EPB41L5: variants seen among roughly 807,000 people sequenced by gnomAD.
EPB41L5 encodes the protein erythrocyte membrane protein band 4.1 like 5.
A neutral mutation model predicts 106.6 loss-of-function variants in EPB41L5; 55 were observed. The ratio of observed to expected loss-of-function variants is 0.52; its 90% CI spans 0.42 to 0.65. The LOEUF is 0.65. Ranked by LOEUF, EPB41L5 falls within the 30% of genes least tolerant of loss-of-function variation. The pLI is 0.00. For missense variants in EPB41L5, 871 were observed against 882.1 expected (o/e 0.99, Z 0.16); for synonymous variants, 297 against 306.7 (o/e 0.97, Z 0.33).
chr2:120,048,447 A>G (rs1679980743), intron 3 of EPB41L5, among the ~76,000 whole-genome samples: 1 of 152,104 alleles, frequency 6.6e-6, no homozygotes, highest in Non-Finnish European at 1.5e-5. Context: ...TTATTTGCGT[A>G]GAGGTGTTTA....
rs374918401 is a variant in EPB41L5 at position 120,100,554 on chromosome 2, A to G, written c.1222-145A>G. On this transcript the variant is annotated intron_variant, in intron 15 of 24. Transcript: ENST00000263713. ...CTGACTACTAATATTTCATTCATTA[A>G]CTATCTCTAAGGTGTATATAAAATT... 5.2e-5 allele frequency: 35 copies of G among 674,920 alleles called. No individual in the cohort carries two copies. The African/African-American group carries it at 5.8e-4, about 11-fold the overall frequency. The allele number at this position is 674,920 out of a possible 1,614,324, so 41.8% of individuals were successfully genotyped here.
At chr2:120,159,273 AAC>A (rs1491258883) in intron 20 of EPB41L5, among the ~76,000 whole-genome samples, 13 of 150,028 alleles carry the variant, frequency 8.7e-5, no homozygotes, top group Admixed American at 1.3e-4. Flanking sequence ...AAAAAAAAAA[AAC>A]AGCCGGGTGT....
At chr2:120,107,047 A>T (rs1574683533) in intron 16 of EPB41L5, 4 of 433,068 alleles carry the variant, frequency 9.2e-6, no homozygotes, top group African/African-American at 8.6e-5. Context: ...AAAAAATGTT[A>T]TTTATAACAC....
intron 21 of EPB41L5, among the ~76,000 whole-genome samples, chr2:120,163,004 CA>C (rs1052364882): frequency 1.4e-4 from 21 of 152,214 alleles, no homozygotes; most frequent in Non-Finnish European, 1.8e-4. Flanking sequence ...GCCTATAAGC[CA>C]GCACTTTGGG....
At chr2:120,138,444 TAAAGA>T (rs767548050) in intron 18 of EPB41L5, among the ~76,000 whole-genome samples, 6 of 151,532 alleles carry the variant, frequency 4.0e-5, no homozygotes, top group Non-Finnish European at 7.4e-5. Flanking sequence ...TGGAAAAAAC[TAAAGA>T]AAAAGAAAAA....
In EPB41L5 at chr2:120,176,989, G is replaced by A. The variant is rs2105590669; in HGVS notation, c.*2082G>A. 1 of 152,300 alleles carries A rather than the reference G, an allele frequency of 6.6e-6. No homozygotes were observed. The highest frequency in any genetic ancestry group is 1.5e-5 in the Non-Finnish European group (1 of 68,036). 9.4% of individuals were successfully genotyped at this position (152,300 alleles called of 1,614,324 possible). Reference sequence around the variant, plus strand: ...ATTCACTTGAATTTCAAGCTCAGAGGAAACTTTGTCTCATGCCCTGACATG... The same window carrying A: ...ATTCACTTGAATTTCAAGCTCAGAGAAAACTTTGTCTCATGCCCTGACATG... On this transcript the variant is annotated 3_prime_UTR_variant, in exon 25 of 25. Coordinates refer to ENST00000263713, the MANE Select transcript of EPB41L5 (RefSeq NM_020909.4).
intron 2 of EPB41L5, among the ~76,000 whole-genome samples, chr2:120,036,351 T>A (rs1410681314): frequency 6.6e-6 from 1 of 152,196 alleles, no homozygotes; most frequent in Non-Finnish European, 1.5e-5. Context: ...GATTTTCTCT[T>A]GTTAGGGCTC....
At chr2:120,049,530 A>G (rs1680070165) in intron 3 of EPB41L5, among the ~76,000 whole-genome samples, 1 of 151,804 alleles carries the variant, frequency 6.6e-6, no homozygotes, top group African/African-American at 2.4e-5. Flanking sequence ...ATCTTCCTCC[A>G]TCCCTTTATT....
Position 120,033,288 on chromosome 2 carries a change from T to C in EPB41L5, c.181-8718T>C, listed in dbSNP as rs903165324. Among the ~76,000 whole-genome samples the C allele has an allele frequency of 1.2e-3, 177 of 152,308 alleles. 4 individuals carry two copies. Among genetic ancestry groups the C allele is most frequent in the Admixed American group, 0.011 (175 of 15,284 alleles). On this transcript the variant is annotated intron_variant, in intron 2 of 24. Transcript: ENST00000263713. ...TCTGTGACTTATTTTCATGAAATGG[T>C]ATAGTTTTTTCTCAGGAAGGCTAGA...
At chr2:120,144,263 G>A (rs1686306069) in intron 19 of EPB41L5, among the ~76,000 whole-genome samples, 1 of 152,134 alleles carries the variant, frequency 6.6e-6, no homozygotes, top group South Asian at 2.1e-4. Context: ...AACCATGTGA[G>A]GATGCAGTGA....
intron 16 of EPB41L5, chr2:120,104,748 TAA>T (rs765047385): frequency 1.1e-6 from 1 of 904,928 alleles, no homozygotes; most frequent in Non-Finnish European, 1.3e-6. Flanking sequence ...TTTAAGTGCC[TAA>T]GATTTTAATT....
intron 21 of EPB41L5, among the ~76,000 whole-genome samples, chr2:120,164,531 TAAAAAG>T (rs1180109851): frequency 2.6e-5 from 4 of 152,148 alleles, no homozygotes; most frequent in Admixed American, 1.3e-4. Flanking sequence ...TTTTTGTAAT[TAAAAAG>T]AAAAAGTTAA....
intron 18 of EPB41L5, among the ~76,000 whole-genome samples, chr2:120,132,756 C>A (rs1685758567): frequency 6.6e-6 from 1 of 151,342 alleles, no homozygotes; most frequent in Admixed American, 6.6e-5. Flanking sequence ...GGGCCAGAGA[C>A]AGAAGGATAA....
chr2:120,089,136 C>T (rs576402986), intron 11 of EPB41L5, among the ~76,000 whole-genome samples: 16 of 152,036 alleles, frequency 1.1e-4, no homozygotes, highest in Non-Finnish European at 1.9e-4. Flanking sequence ...GGGTAATTAG[C>T]GTATCCATCT....
At chr2:120,128,334 T>A (rs1368953628) in intron 17 of EPB41L5, among the ~76,000 whole-genome samples, 1 of 151,172 alleles carries the variant, frequency 6.6e-6, no homozygotes, top group African/African-American at 2.5e-5. Context: ...TCATTGAAAA[T>A]GTCTATGTAT....
intron 20 of EPB41L5, among the ~76,000 whole-genome samples, chr2:120,159,497 C>A (rs1687053151): frequency 1.3e-5 from 2 of 149,974 alleles, no homozygotes; most frequent in South Asian, 4.2e-4. Flanking sequence ...TTTATAGATT[C>A]AATGCTATTT....
At chr2:120,022,758 A>T (rs1482200469) in intron 2 of EPB41L5, among the ~76,000 whole-genome samples, 2 of 152,196 alleles carry the variant, frequency 1.3e-5, no homozygotes, top group Non-Finnish European at 2.9e-5. Flanking sequence ...GAATTGCCAC[A>T]CTGTCTTCCA....
At chr2:120,096,614 A>T (rs1213627169) in intron 14 of EPB41L5, among the ~76,000 whole-genome samples, 3 of 152,068 alleles carry the variant, frequency 2.0e-5, no homozygotes, top group African/African-American at 4.8e-5. Context: ...ACGTGGCAAG[A>T]CCCCATCTCT....
chr2:120,107,948 T>C (rs1684543904), intron 16 of EPB41L5, among the ~76,000 whole-genome samples: 1 of 152,188 alleles, frequency 6.6e-6, no homozygotes, highest in African/African-American at 2.4e-5. Flanking sequence ...AGAAGGGAAA[T>C]ACATAGTGTC....
Sources: gnomAD v4.1 joint callset for allele counts (sites outside exome capture counted in the v4.1 genomes callset) on GRCh38, gnomAD v4.1.1 for gene constraint, MANE v1.5 for transcripts, NCBI Gene and HGNC (gene_info 2026-07-23, HGNC 2026-07-21) for gene names.